Variants in ROBO2 observed in about 807,000 individuals in gnomAD.
ROBO2 encodes the protein roundabout guidance receptor 2.
In ROBO2, 53 loss-of-function variants were observed where a neutral mutation model predicts 160.8. That is an observed-to-expected ratio of 0.33 (90% CI 0.26 to 0.41). ROBO2 has a LOEUF of 0.41. Among genes scored for constraint, ROBO2 ranks in the 10% least tolerant of loss-of-function variants. ROBO2 has a pLI of 1.00. For missense variants in ROBO2, 1,577 were observed against 1,722.4 expected, an observed-to-expected ratio of 0.92 and a Z score of 1.49; for synonymous variants, 664 against 611.7, an observed-to-expected ratio of 1.09 and a Z score of -1.26.
At chr3:77,167,947 G>A (rs1184370046) in intron 2 of ROBO2, among the ~76,000 whole-genome samples, 1 of 152,150 alleles carries the variant, frequency 6.6e-6, no homozygotes, top group Non-Finnish European at 1.5e-5. Flanking sequence ...ATCTGAGCTT[G>A]TAAATGAGAG....
At chr3:77,515,351 C>A (rs1561048567) in intron 5 of ROBO2, among the ~76,000 whole-genome samples, 1 of 151,526 alleles carries the variant, frequency 6.6e-6, no homozygotes, top group Non-Finnish European at 1.5e-5. Flanking sequence ...AGTGAGGAAG[C>A]CGAAAGAGCT....
chr3:76,312,072 A>G (rs1050386420), intron 2 of ROBO2, among the ~76,000 whole-genome samples: 3 of 152,164 alleles, frequency 2.0e-5, no homozygotes, highest in African/African-American at 7.2e-5. Flanking sequence ...CCCGAATGCC[A>G]TTTGTTTATA....
chr3:76,927,777 G>A (rs573332578), intron 2 of ROBO2, among the ~76,000 whole-genome samples: 17 of 152,100 alleles, frequency 1.1e-4, no homozygotes, highest in Middle Eastern at 3.4e-3. Context: ...TTGAGTCCTC[G>A]ATGGCACTAT....
At chr3:75,972,766 C>T (rs1027113824) in intron 2 of ROBO2, among the ~76,000 whole-genome samples, 3 of 151,592 alleles carry the variant, frequency 2.0e-5, no homozygotes, top group African/African-American at 7.3e-5. Flanking sequence ...TCTTTTGCAA[C>T]ATGTCCTCTG....
intron 1 of ROBO2, among the ~76,000 whole-genome samples, chr3:75,936,078 A>G (rs1273731932): frequency 1.3e-5 from 2 of 152,210 alleles, no homozygotes; most frequent in East Asian, 3.8e-4. Context: ...ATTGGTACTT[A>G]AACTGTCACT....
At chr3:76,889,496 C>A (rs2074174437) in intron 2 of ROBO2, among the ~76,000 whole-genome samples, 1 of 152,068 alleles carries the variant, frequency 6.6e-6, no homozygotes, top group Admixed American at 6.5e-5. Flanking sequence ...ATGGTAAAGA[C>A]TTCTAATATT....
intron 2 of ROBO2, among the ~76,000 whole-genome samples, chr3:76,261,626 A>C (rs372465213): frequency 1.2e-4 from 18 of 152,266 alleles, no homozygotes; most frequent in East Asian, 3.9e-4. Context: ...GAAAAAATTT[A>C]GCATAAAAGA....
exon 14 of ROBO2, chr3:77,574,698 G>A (rs1261153857): frequency 6.2e-7 from 1 of 1,613,150 alleles, no homozygotes; most frequent in Admixed American, 1.7e-5. Flanking sequence ...GGAATGGATA[G>A]TGAATCTAAA....
At chr3:77,571,338 G>T (rs1416026989) in intron 13 of ROBO2, among the ~76,000 whole-genome samples, 1 of 152,070 alleles carries the variant, frequency 6.6e-6, no homozygotes, top group Non-Finnish European at 1.5e-5. Flanking sequence ...TAACTAGAAT[G>T]CTGATTTTAG....
intron 2 of ROBO2, among the ~76,000 whole-genome samples, chr3:76,918,022 G>T (rs1291517610): frequency 6.6e-6 from 1 of 152,166 alleles, no homozygotes; most frequent in East Asian, 1.9e-4. Context: ...ATAATATGTT[G>T]GGCCCTGTGC....
chr3:77,177,229 G>GT (rs1579667790), intron 2 of ROBO2, among the ~76,000 whole-genome samples: 2 of 152,036 alleles, frequency 1.3e-5, no homozygotes, highest in East Asian at 3.9e-4. Flanking sequence ...CTCTGAAGAT[G>GT]TTTTTTCTCA....
intron 2 of ROBO2, among the ~76,000 whole-genome samples, chr3:76,701,718 A>G (rs141711771): frequency 3.3e-4 from 50 of 152,140 alleles, no homozygotes; most frequent in African/African-American, 1.1e-3. Flanking sequence ...ATTAAAAGCA[A>G]TTTCTTTTAT....
chr3:76,253,052 A>G (rs1023418078), intron 2 of ROBO2, among the ~76,000 whole-genome samples: 14 of 152,046 alleles, frequency 9.2e-5, no homozygotes, highest in South Asian at 6.2e-4. Flanking sequence ...AGTCACATTT[A>G]CAAGAGACCT....
intron 23 of ROBO2, chr3:77,632,320 T>G: frequency 1.8e-6 from 1 of 563,274 alleles, no homozygotes; most frequent in Non-Finnish European, 3.0e-6. Context: ...AAAAAATGTT[T>G]AAAATGTACA....
At chr3:77,596,575 T>C (rs2094308609) in intron 18 of ROBO2, 48 bp from the exon 20 acceptor site, 2 of 1,612,328 alleles carry the variant, frequency 1.2e-6, no homozygotes, top group Admixed American at 3.3e-5. Context: ...AGTGTCAAAA[T>C]CTTGCATTGA....
At chr3:77,050,542 A>G (rs1038797389) in intron 1 of ROBO2, among the ~76,000 whole-genome samples, 2 of 150,250 alleles carry the variant, frequency 1.3e-5, no homozygotes, top group African/African-American at 4.9e-5. Flanking sequence ...TGCTAGGTAC[A>G]ACATTCTCAG....
chr3:76,360,451 A>T lies in ROBO2; in HGVS notation c.109+422849A>T, dbSNP rs544703323. ...AAAGTATTTGACTTTGGATACAAAA[A>T]AGAAAGGCTTACTAAGCATTACATG... is the stretch of plus-strand genomic sequence containing the variant. On this transcript the variant is annotated intron_variant, in intron 2 of 26. Coordinates refer to the ROBO2 transcript ENST00000487694. 7.9e-5 allele frequency among the ~76,000 whole-genome samples: 12 copies of T among 152,190 alleles called. 1 individual carries two copies. The South Asian group carries it at 2.1e-3, about 26-fold the overall frequency.
intron 5 of ROBO2, among the ~76,000 whole-genome samples, chr3:77,499,786 C>G (rs1454460013): frequency 6.6e-6 from 1 of 151,442 alleles, no homozygotes; most frequent in African/African-American, 2.4e-5. Flanking sequence ...GTAGCTGGGA[C>G]TATAGGCGCC....
At chr3:77,439,626 C>T (rs541170893) in intron 2 of ROBO2, among the ~76,000 whole-genome samples, 36 of 152,210 alleles carry the variant, frequency 2.4e-4, no homozygotes, top group African/African-American at 7.5e-4. Flanking sequence ...TGTATTAATG[C>T]ATTTCAAGAG....
Sources: allele counts gnomAD v4.1 joint callset (sites outside exome capture counted in the v4.1 genomes callset), GRCh38; gene constraint gnomAD v4.1.1; transcripts MANE v1.5; gene names NCBI Gene and HGNC (gene_info 2026-07-23, HGNC 2026-07-21).